ATXN1: variants seen among roughly 807,000 people sequenced by gnomAD.
ATXN1 encodes ataxin-1.
ATXN1 carries 8 observed loss-of-function variants against 56.4 expected under a neutral mutation model. That is an observed-to-expected ratio of 0.14 (90% CI 0.08 to 0.26). The LOEUF (loss-of-function observed/expected upper bound fraction) is 0.26, where lower values mean the gene tolerates loss of function less well. Among genes scored for constraint, ATXN1 ranks in the 10% least tolerant of loss-of-function variants. The pLI is 1.00. For synonymous variants in ATXN1, 514 were observed against 494.6 expected, an observed-to-expected ratio of 1.04 and a Z score of -0.52; for missense variants, 987 against 1,106.5, an observed-to-expected ratio of 0.89 and a Z score of 1.53.
intron 3 of ATXN1, among the ~76,000 whole-genome samples, chr6:16,599,378 C>T (rs376573997): frequency 3.3e-5 from 5 of 152,116 alleles, no homozygotes; most frequent in African/African-American, 1.2e-4. Context: ...GAAGATAAAC[C>T]CTCCAAAGAT....
At chr6:16,739,509 A>G in intron 2 of ATXN1, 1 of 235,588 alleles carries the variant, frequency 4.2e-6, no homozygotes, top group Non-Finnish European at 9.0e-6. Context: ...ATGGAAAAAA[A>G]ATGGATGGGT....
chr6:16,706,466 T>C (rs1759407769), intron 2 of ATXN1, among the ~76,000 whole-genome samples: 1 of 152,186 alleles, frequency 6.6e-6, no homozygotes, highest in South Asian at 2.1e-4. Flanking sequence ...GGCTTATGCC[T>C]GTAATCCCAG....
chr6:16,439,785 A>G (rs1282910906), intron 6 of ATXN1, among the ~76,000 whole-genome samples: 1 of 152,156 alleles, frequency 6.6e-6, no homozygotes, highest in Non-Finnish European at 1.5e-5. Flanking sequence ...TTAAAAAATT[A>G]AAGTGGGGCC....
At chr6:16,555,950 A>G (rs1282308653) in intron 4 of ATXN1, among the ~76,000 whole-genome samples, 1 of 152,096 alleles carries the variant, frequency 6.6e-6, no homozygotes, top group East Asian at 1.9e-4. Context: ...CTCATAAAAT[A>G]CCTCTCTAGT....
chr6:16,730,489 A>ATATATATATATATATATATATATATG (rs1759948942), intron 2 of ATXN1, among the ~76,000 whole-genome samples: 3 of 87,916 alleles, frequency 3.4e-5, no homozygotes, highest in Admixed American at 3.1e-4. Context: ...AACAGTATGT[A>ATATATATATATATATATATATATATG]TATATATATA....
chr6:16,645,343 A>G (rs1763783002), intron 3 of ATXN1, among the ~76,000 whole-genome samples: 1 of 152,224 alleles, frequency 6.6e-6, no homozygotes, highest in South Asian at 2.1e-4. Flanking sequence ...AGCATCATTT[A>G]GAAGAATTCT....
At chr6:16,707,566 G>A (rs984635135) in intron 2 of ATXN1, among the ~76,000 whole-genome samples, 2 of 152,190 alleles carry the variant, frequency 1.3e-5, no homozygotes, top group East Asian at 1.9e-4. Context: ...AAAAGTAGAA[G>A]TCATTTCCGG....
intron 6 of ATXN1, chr6:16,485,700 T>C (rs1760529929): frequency 6.6e-6 from 1 of 152,190 alleles, no homozygotes; most frequent in African/African-American, 2.4e-5. Flanking sequence ...GTTCCTACAA[T>C]GAAAGAATCA....
At chr6:16,457,457 T>C (rs952559758) in intron 6 of ATXN1, among the ~76,000 whole-genome samples, 1 of 151,978 alleles carries the variant, frequency 6.6e-6, no homozygotes, top group African/African-American at 2.4e-5. Flanking sequence ...AAGCTCACCC[T>C]TGAAACGCAT....
intron 6 of ATXN1, among the ~76,000 whole-genome samples, chr6:16,402,930 A>G (rs1416517761): frequency 1.3e-5 from 2 of 152,200 alleles, no homozygotes; most frequent in African/African-American, 4.8e-5. Flanking sequence ...CACGAACTCC[A>G]AAACCTTCCT....
chr6:16,401,130 C>T (rs1758561002), intron 6 of ATXN1, among the ~76,000 whole-genome samples: 1 of 152,204 alleles, frequency 6.6e-6, no homozygotes, highest in Admixed American at 6.5e-5. Context: ...TTCTAAAACT[C>T]ATCCTTGAAA....
At chr6:16,683,941 G>A (rs1456366863) in intron 2 of ATXN1, among the ~76,000 whole-genome samples, 4 of 152,198 alleles carry the variant, frequency 2.6e-5, no homozygotes, top group Non-Finnish European at 4.4e-5. Context: ...CACAGTTCAT[G>A]GTTCACGGTT....
chr6:16,650,297 AT>A (rs1245986734), intron 3 of ATXN1, among the ~76,000 whole-genome samples: 1 of 152,234 alleles, frequency 6.6e-6, no homozygotes, highest in East Asian at 1.9e-4. Context: ...TTGATAAGGA[AT>A]TCCTAGGGGC....
chr6:16,718,852 C>G (rs572916758), intron 2 of ATXN1, among the ~76,000 whole-genome samples: 3 of 152,230 alleles, frequency 2.0e-5, no homozygotes, highest in South Asian at 4.1e-4. Flanking sequence ...CAACCACACA[C>G]TTTTGTTCAT....
intron 6 of ATXN1, among the ~76,000 whole-genome samples, chr6:16,460,112 A>G (rs748651563): frequency 1.9e-4 from 29 of 152,102 alleles, no homozygotes; most frequent in Non-Finnish European, 3.8e-4. Flanking sequence ...TGGCCAGGCC[A>G]CTCTATACTC....
rs71559655 is a variant in ATXN1 at position 16,731,454 on chromosome 6, C to CTTTTTTTTTTT, written c.-615+21768_-615+21778dup. Among the ~76,000 whole-genome samples, 265 of 81,742 alleles carry CTTTTTTTTTTT rather than the reference C, an allele frequency of 3.2e-3. 21 individuals are homozygous for CTTTTTTTTTTT. Among genetic ancestry groups the CTTTTTTTTTTT allele is most frequent in the African/African-American group, 4.8e-3 (126 of 26,028 alleles). 53.6% of individuals were successfully genotyped at this position (81,742 alleles called of 152,430 possible). A position where few individuals can be genotyped will look rare whatever the true frequency, so the allele number is the denominator to read the frequency against. Reference sequence around the variant, plus strand: ...ACGAGAGAGGCTTTTTTTTTCTTTTCTTTTTTTTTTTTTTTTTTTTTTTTT... The same window carrying CTTTTTTTTTTT: ...ACGAGAGAGGCTTTTTTTTTCTTTTCTTTTTTTTTTTTTTTTTTTTTTTTTTTTTTTTTTTT... On this transcript the variant is annotated intron_variant, in intron 2 of 7. Coordinates refer to ENST00000436367, the MANE Select transcript of ATXN1 (RefSeq NM_001128164.2).
rs1160462554 is a variant in ATXN1 at position 16,303,501 on chromosome 6, G to A, written c.*2828C>T. 1 of 152,800 alleles carries A rather than the reference G, an allele frequency of 6.5e-6. No individual in the cohort carries two copies. The highest frequency in any genetic ancestry group is 1.5e-5 in the Non-Finnish European group (1 of 68,142). The allele number at this position is 152,800 out of a possible 1,614,324, so 9.5% of individuals were successfully genotyped here. A position where few individuals can be genotyped will look rare whatever the true frequency, so the allele number is the denominator to read the frequency against. On this transcript the variant is annotated 3_prime_UTR_variant, in exon 8 of 8. Transcript: ENST00000436367. This position sits in a 1 kb window ranked among gnomAD's most constrained non-coding sequence, Gnocchi z 4.3. ...CAAGGAAAAAGCCAAAAGGGAATGA[G>A]CTTTAACTATATAGCACACTGGTCA...
At chr6:16,537,276 C>T (rs1193103380) in intron 4 of ATXN1, among the ~76,000 whole-genome samples, 1 of 152,100 alleles carries the variant, frequency 6.6e-6, no homozygotes, top group Non-Finnish European at 1.5e-5. Context: ...CTATTCTACG[C>T]AGCAAATCAA....
At chr6:16,656,810 C>A (rs1175118875) in intron 3 of ATXN1, among the ~76,000 whole-genome samples, 1 of 152,118 alleles carries the variant, frequency 6.6e-6, no homozygotes, top group Non-Finnish European at 1.5e-5. Context: ...GGATGGTACA[C>A]CCTACTACAC....
Sources: gnomAD v4.1 joint callset for allele counts (sites outside exome capture counted in the v4.1 genomes callset) on GRCh38, gnomAD v4.1.1 for gene constraint, Gnocchi (gnomAD v3.1) non-coding constraint, MANE v1.5 for transcripts, NCBI Gene and HGNC (gene_info 2026-07-23, HGNC 2026-07-21) for gene names.